The following CTNNA3 variants were observed in gnomAD, a reference collection of about 807,000 sequenced individuals.
CTNNA3 encodes the protein catenin alpha 3.
Under a neutral mutation model 95.7 loss-of-function variants are expected in CTNNA3, and 76 were observed. That is an observed-to-expected ratio of 0.79 (90% CI 0.66 to 0.96). The LOEUF is 0.96. Ranked by LOEUF, CTNNA3 falls within the 40% of genes least tolerant of loss-of-function variation. CTNNA3 has a pLI of 0.00. For missense variants in CTNNA3, 1,191 were observed against 1,089.8 expected, an observed-to-expected ratio of 1.09 and a Z score of -1.31; for synonymous variants, 431 against 374.4, an observed-to-expected ratio of 1.15 and a Z score of -1.74.
At chr10:67,586,359 T>C (rs1156618636) in intron 3 of CTNNA3, among the ~76,000 whole-genome samples, 1 of 152,196 alleles carries the variant, frequency 6.6e-6, no homozygotes, top group African/African-American at 2.4e-5. Context: ...GTTCAACTTT[T>C]CTTTATTGAT....
At chr10:66,293,179 A>G (rs2091715294) in intron 12 of CTNNA3, among the ~76,000 whole-genome samples, 1 of 152,214 alleles carries the variant, frequency 6.6e-6, no homozygotes, top group South Asian at 2.1e-4. Context: ...AAAGCTTTTA[A>G]AAGGTTAACA....
At chr10:67,211,580 T>C (rs1254264544) in intron 6 of CTNNA3, among the ~76,000 whole-genome samples, 1 of 152,186 alleles carries the variant, frequency 6.6e-6, no homozygotes, top group Non-Finnish European at 1.5e-5. Context: ...TTAAAGCAAT[T>C]ACTATGTACC....
chr10:66,748,126 G>A (rs1029864173), intron 9 of CTNNA3, among the ~76,000 whole-genome samples: 18 of 152,218 alleles, frequency 1.2e-4, no homozygotes, highest in African/African-American at 3.1e-4. Context: ...AAACCTATAC[G>A]AGGGAATCTA....
chr10:66,823,158 A>G (rs2132297174), intron 7 of CTNNA3, among the ~76,000 whole-genome samples: 1 of 152,316 alleles, frequency 6.6e-6, no homozygotes, highest in East Asian at 1.9e-4. Flanking sequence ...AAATCCATAT[A>G]TTAACAGCTT....
At chr10:66,936,588 GTCAGAAAGTC>G (rs1847709160) in intron 7 of CTNNA3, among the ~76,000 whole-genome samples, 2 of 152,116 alleles carry the variant, frequency 1.3e-5, no homozygotes, top group Admixed American at 1.3e-4. Flanking sequence ...TGTTGATCCT[GTCAGAAAGTC>G]ACAGGGTCAG....
In CTNNA3 at chr10:66,429,842, C is replaced by T. The variant is rs557437961; in HGVS notation, c.1532-50490G>A. Among the ~76,000 whole-genome samples the T allele has an allele frequency of 2.6e-5, 4 of 152,064 alleles. No individual in the cohort carries two copies. In the South Asian group the frequency reaches 8.3e-4, roughly 32 times the overall value. ...GAAACATTCCCTTTGAAAACTGGCA[C>T]AAGACAGGGATGCCCTCTCCCACCA... On this transcript the variant is annotated intron_variant, in intron 11 of 17. Coordinates refer to ENST00000433211, the MANE Select transcript of CTNNA3 (RefSeq NM_013266.4).
At chr10:66,845,536 T>A (rs906037270) in intron 7 of CTNNA3, among the ~76,000 whole-genome samples, 3 of 150,850 alleles carry the variant, frequency 2.0e-5, no homozygotes, top group African/African-American at 7.3e-5. Context: ...AAACCCCATC[T>A]CTACTAAAAA....
chr10:66,134,954 T>C (rs1206305433), intron 13 of CTNNA3, among the ~76,000 whole-genome samples: 4 of 152,200 alleles, frequency 2.6e-5, no homozygotes, highest in Non-Finnish European at 4.4e-5. Flanking sequence ...ATGGTAATGG[T>C]ACTGGTAAAA....
intron 11 of CTNNA3, among the ~76,000 whole-genome samples, chr10:66,489,766 C>T (rs1839860117): frequency 6.6e-6 from 1 of 152,184 alleles, no homozygotes; most frequent in Non-Finnish European, 1.5e-5. Context: ...GCCAGAGTCT[C>T]CAAACCCACT....
intron 7 of CTNNA3, among the ~76,000 whole-genome samples, chr10:66,897,149 G>T (rs974551782): frequency 1.3e-5 from 2 of 152,008 alleles, no homozygotes; most frequent in South Asian, 4.1e-4. Context: ...AAAAAAATGA[G>T]AAATATTACT....
At chr10:66,545,677 C>T (rs980226414) in intron 10 of CTNNA3, among the ~76,000 whole-genome samples, 1 of 151,980 alleles carries the variant, frequency 6.6e-6, no homozygotes, top group Non-Finnish European at 1.5e-5. Flanking sequence ...TGATATTTCA[C>T]ATCTTCACCA....
chr10:67,145,849 G>T (rs1168949321), intron 7 of CTNNA3, among the ~76,000 whole-genome samples: 1 of 152,072 alleles, frequency 6.6e-6, no homozygotes, highest in Admixed American at 6.5e-5. Context: ...TAGATGTTTA[G>T]TCAGCAAATA....
intron 3 of CTNNA3, among the ~76,000 whole-genome samples, chr10:67,592,646 G>T (rs1260782020): frequency 6.6e-6 from 1 of 151,582 alleles, no homozygotes; most frequent in Non-Finnish European, 1.5e-5. Context: ...CTTTAAAAAA[G>T]AAAAAAAGAA....
At chr10:66,666,994 C>T (rs888561872) in intron 9 of CTNNA3, among the ~76,000 whole-genome samples, 4 of 151,956 alleles carry the variant, frequency 2.6e-5, no homozygotes, top group African/African-American at 9.7e-5. Flanking sequence ...AGTGATATAG[C>T]CTAAGATCAC....
chr10:67,098,435 A>C (rs1017435939), intron 7 of CTNNA3: 3 of 152,288 alleles, frequency 2.0e-5, no homozygotes, highest in South Asian at 4.1e-4. Flanking sequence ...GAGGTTCTTC[A>C]ATTACATAGG....
chr10:67,034,604 T>C (rs1418347741), intron 7 of CTNNA3, among the ~76,000 whole-genome samples: 1 of 152,178 alleles, frequency 6.6e-6, no homozygotes, highest in African/African-American at 2.4e-5. Flanking sequence ...TTCAGGTCTT[T>C]ACTAATAACC....
At chr10:66,389,044 C>T (rs1296429635) in intron 11 of CTNNA3, among the ~76,000 whole-genome samples, 1 of 152,058 alleles carries the variant, frequency 6.6e-6, no homozygotes, top group East Asian at 1.9e-4. Flanking sequence ...TTCATGAAGG[C>T]TTGAGCTTTT....
At chr10:67,370,877 T>G (rs1564603619) in intron 5 of CTNNA3, among the ~76,000 whole-genome samples, 3 of 150,596 alleles carry the variant, frequency 2.0e-5, no homozygotes, top group African/African-American at 4.9e-5. Context: ...TTGTTTTTTT[T>G]TTTTTTTGAG....
rs933530960 is a variant in CTNNA3 at position 66,813,532 on chromosome 10, C to T, written c.1048-38008G>A. On this transcript the variant is annotated intron_variant, in intron 7 of 17. Coordinates refer to ENST00000433211, the MANE Select transcript of CTNNA3 (RefSeq NM_013266.4). ...CATTCAGCATAAAATAATAGCTTTG[C>T]TGTAAAGAAGAAATTCATATGTAAT... 4.0e-4 allele frequency among the ~76,000 whole-genome samples: 61 copies of T among 152,076 alleles called. 1 individual carries two copies. Among genetic ancestry groups the T allele is most frequent in the Admixed American group, 3.5e-3 (54 of 15,260 alleles).
Sources: gnomAD v4.1 joint callset for allele counts (sites outside exome capture counted in the v4.1 genomes callset) on GRCh38, gnomAD v4.1.1 for gene constraint, MANE v1.5 for transcripts, NCBI Gene and HGNC (gene_info 2026-07-23, HGNC 2026-07-21) for gene names.